The following ZZEF1 variants were observed in gnomAD, a reference collection of about 807,000 sequenced individuals.
The protein encoded by ZZEF1 is zinc finger ZZ-type and EF-hand domain-containing protein 1.
Under a neutral mutation model 342.8 loss-of-function variants are expected in ZZEF1, and 157 were observed. The ratio of observed to expected loss-of-function variants is 0.46; its 90% confidence interval spans 0.40 to 0.52. The LOEUF (loss-of-function observed/expected upper bound fraction) is 0.52. Among genes scored for constraint, ZZEF1 ranks in the 20% least tolerant of loss-of-function variants. ZZEF1 has a pLI of 0.00. For synonymous variants in ZZEF1, 1,505 were observed against 1,429.1 expected (o/e 1.05, Z -1.20); for missense variants, 3,480 against 3,725.6 (o/e 0.93, Z 1.72).
intron 9 of ZZEF1, among the ~76,000 whole-genome samples, chr17:4,100,708 G>C (rs559380705): frequency 2.0e-5 from 3 of 152,136 alleles, no homozygotes; most frequent in Non-Finnish European, 4.4e-5. Flanking sequence ...GGTGGCGGGC[G>C]CCTGTAGTCT....
intron 2 of ZZEF1, among the ~76,000 whole-genome samples, chr17:4,123,267 C>T (rs1416660784): frequency 2.6e-4 from 11 of 41,522 alleles, no homozygotes; most frequent in Non-Finnish European, 3.8e-4. Context: ...TTTATCATAA[C>T]CATATATATA....
intron 18 of ZZEF1, among the ~76,000 whole-genome samples, chr17:4,080,869 A>G (rs2057710846): frequency 6.6e-6 from 1 of 152,106 alleles, no homozygotes; most frequent in African/African-American, 2.4e-5. Context: ...ACTACCAAGA[A>G]CCGTAACATG....
chr17:4,114,679 G>C (rs1356008211), intron 3 of ZZEF1, among the ~76,000 whole-genome samples: 1 of 152,038 alleles, frequency 6.6e-6, no homozygotes, highest in Non-Finnish European at 1.5e-5. Context: ...CCCTCAAACT[G>C]TTACGTCATT....
At chr17:4,132,903 T>C (rs1053713008) in intron 1 of ZZEF1, among the ~76,000 whole-genome samples, 1 of 152,022 alleles carries the variant, frequency 6.6e-6, no homozygotes, top group African/African-American at 2.4e-5. Flanking sequence ...GAGGTGGAGC[T>C]TGCAGTGAGC....
intron 44 of ZZEF1, 137 bp from the exon 45 acceptor site, chr17:4,021,457 A>C (rs1183722578): frequency 1.6e-6 from 1 of 615,096 alleles, no homozygotes; most frequent in Non-Finnish European, 2.6e-6. Flanking sequence ...TTAGAAAAGA[A>C]ACACGAATGT....
intron 9 of ZZEF1, among the ~76,000 whole-genome samples, chr17:4,099,627 C>A (rs936811879): frequency 1.3e-5 from 2 of 150,864 alleles, no homozygotes; most frequent in South Asian, 2.1e-4. Context: ...CTCACTGCAA[C>A]CTCCGCCTCC....
Position 4,050,809 on chromosome 17 carries a change from G to T in ZZEF1, c.5835C>A (p.Asp1945Glu), listed in dbSNP as rs764946287. The T allele has an allele frequency of 6.2e-7, 1 of 1,614,008 alleles. No homozygotes were observed. Among genetic ancestry groups the T allele is most frequent in the Non-Finnish European group, 8.5e-7 (1 of 1,180,054 alleles). Residue 1945 changes from aspartate to glutamate, a missense_variant, in exon 36 of 55, where the codon GAC (aspartate) becomes GAA (glutamate). By Grantham distance (45) the Asp-to-Glu change is conservative. Coordinates refer to ENST00000381638, the MANE Select transcript of ZZEF1 (RefSeq NM_015113.4). ...LRSQCMQLVG[D>E]CLMKAHQGKG... is the part of the protein sequence containing the mutation. ...TTCCCTGATGAGCCTTCATCAGACA[G>T]TCCCCGACGAGCTGCATGCACTGGC...
In ZZEF1 at chr17:4,006,527, T is replaced by C; in HGVS notation, c.*363A>G. 1 of 299,820 alleles carries C rather than the reference T, an allele frequency of 3.3e-6. No homozygotes were observed. Among genetic ancestry groups the C allele is most frequent in the Non-Finnish European group, 6.4e-6 (1 of 155,582 alleles). 18.6% of individuals were successfully genotyped at this position (299,820 alleles called of 1,614,324 possible). On this transcript the variant is annotated 3_prime_UTR_variant, in exon 55 of 55. Coordinates refer to ENST00000381638, the MANE Select transcript of ZZEF1 (RefSeq NM_015113.4). ...CCCTCTGAAGGCAAGTGCAGGCAGT[T>C]CCAGCTCCACGGAGACAGAAACCAG...
chr17:4,050,810 T>A lies in ZZEF1; in HGVS notation c.5834A>T (p.Asp1945Val). ...LRSQCMQLVG[D>V]CLMKAHQGKG... ...TCCCTGATGAGCCTTCATCAGACAG[T>A]CCCCGACGAGCTGCATGCACTGGCT... Residue 1945 changes from aspartate to valine, a missense_variant, in exon 36 of 55, where the codon GAC (aspartate) becomes GTC (valine). Transcript: ENST00000381638. The A allele has an allele frequency of 6.2e-7, 1 of 1,614,094 alleles. No homozygotes were observed. The highest frequency in any genetic ancestry group is 2.2e-5 in the East Asian group (1 of 44,890).
chr17:4,127,399 G>A (rs944220323), intron 1 of ZZEF1, among the ~76,000 whole-genome samples: 8 of 152,112 alleles, frequency 5.3e-5, no homozygotes, highest in African/African-American at 1.9e-4. Flanking sequence ...TTATTTTGTA[G>A]AGATACATAA....
At chr17:4,044,459 A>G (rs971330735) in intron 37 of ZZEF1, 85 bp from the exon 38 acceptor site, 66 of 1,288,132 alleles carry the variant, frequency 5.1e-5, no homozygotes, top group Admixed American at 1.8e-4. Flanking sequence ...ATGATTAGCC[A>G]GTCTTCATAG....
intron 1 of ZZEF1, among the ~76,000 whole-genome samples, chr17:4,130,478 T>C (rs1419239739): frequency 6.6e-6 from 1 of 151,386 alleles, no homozygotes; most frequent in South Asian, 2.1e-4. Context: ...TAAATAAAAA[T>C]AAAAAGCTCT....
At position 4,032,957 on chromosome 17, in the gene ZZEF1, C is replaced by T; in HGVS notation, c.6630G>A (p.Arg2210=). The stretch of plus-strand genomic sequence containing the variant: ...GCCACAGTGGGGCACTGTTGAGTGA[C>T]CGCAGGATCTCTGCCATGGAGCACG... ...DWACSMAEIL[R]SLNSAPLWRD... Residue 2210 remains arginine, a synonymous_variant, in exon 41 of 55, where the codon CGG becomes CGA. Transcript: ENST00000381638. The T allele has an allele frequency of 6.2e-7, 1 of 1,605,710 alleles. No homozygotes were observed. The highest frequency in any genetic ancestry group is 2.2e-5 in the East Asian group (1 of 44,580).
chr17:4,142,000 C>T (rs2058860568), intron 1 of ZZEF1, among the ~76,000 whole-genome samples: 1 of 152,132 alleles, frequency 6.6e-6, no homozygotes, highest in African/African-American at 2.4e-5. Flanking sequence ...TTAAATGAGT[C>T]TAATATATGG....
chr17:4,028,228 C>T (rs2056460279), intron 42 of ZZEF1, among the ~76,000 whole-genome samples: 1 of 152,114 alleles, frequency 6.6e-6, no homozygotes, highest in South Asian at 2.1e-4. Context: ...ATAAATCTCA[C>T]AATACATTAC....
chr17:4,100,698 G>T (rs796285570), intron 9 of ZZEF1, among the ~76,000 whole-genome samples: 1 of 152,154 alleles, frequency 6.6e-6, no homozygotes, highest in Non-Finnish European at 1.5e-5. Flanking sequence ...AGCCGGGCGT[G>T]GTGGCGGGCG....
intron 42 of ZZEF1, among the ~76,000 whole-genome samples, chr17:4,025,319 G>GT (rs2056379354): frequency 6.6e-6 from 1 of 152,226 alleles, no homozygotes; most frequent in Non-Finnish European, 1.5e-5. Context: ...AAGCAACTGA[G>GT]TGGGACAATT....
chr17:4,016,445 C>T lies in ZZEF1; in HGVS notation c.8023G>A (p.Gly2675Ser). Residue 2675 changes from glycine (G) to serine (S), a missense_variant, in exon 49 of 55, where the codon GGC becomes AGC. By Grantham distance (56) the Gly-to-Ser change is moderately conservative. Around this residue, in one of 5 missense-constraint regions of ZZEF1, gnomAD observed 1,269 missense variants for 1,342.4 expected, o/e 0.95. Coordinates refer to ENST00000381638, the MANE Select transcript of ZZEF1 (RefSeq NM_015113.4). This position sits in a 1 kb window ranked among gnomAD's most constrained non-coding sequence, Gnocchi z 4.4. ...GTCCCCAGCATGTCCTCTCGGCAGC[C>T]CTGGAGCACTTTCTGCAGGATCTGG... ...WEKILQKVLQ[G>S]CREDMLGTMA... 3 of 1,611,576 alleles carry T rather than the reference C, an allele frequency of 1.9e-6. No individual in the cohort carries two copies. The highest frequency in any genetic ancestry group is 2.5e-6 in the Non-Finnish European group (3 of 1,179,410).
rs151149603 is a variant in ZZEF1 at position 4,044,307 on chromosome 17, C to T, written c.6083G>A (p.Gly2028Asp). ...TGAAGGATCCTTCGATAATGATACA[C>T]CTTTATCTGCCTTATTTCTCTGCTT... is the stretch of plus-strand genomic sequence containing the variant. ...DFKQRNKADK[G>D]VSLSKDPSCQ... The change falls in exon 38 of 55, where the codon GGT becomes GAT. Residue 2028 changes from glycine (G) to aspartate (D), a missense_variant. Physicochemically the swap from Gly to Asp is moderately conservative, Grantham distance 94. Transcript: ENST00000381638. 13 of 1,614,042 alleles carry T rather than the reference C, an allele frequency of 8.1e-6. No homozygotes were observed. The highest frequency in any genetic ancestry group is 1.1e-5 in the Non-Finnish European group (13 of 1,179,916).
Sources: gnomAD v4.1 joint callset for allele counts (sites outside exome capture counted in the v4.1 genomes callset) on GRCh38, gnomAD v4.1.1 for gene constraint, gnomAD v4.1.1 regional missense constraint, Gnocchi (gnomAD v3.1) non-coding constraint, MANE v1.5 for transcripts, NCBI Gene and HGNC (gene_info 2026-07-23, HGNC 2026-07-21) for gene names.